Variants in GRK3 observed in about 807,000 individuals in gnomAD.
GRK3 encodes the protein adrenergic, beta, receptor kinase 2.
A neutral mutation model predicts 95.7 loss-of-function variants in GRK3; 54 were observed. The observed-to-expected ratio is 0.56, with a 90% CI of 0.45 to 0.71. GRK3 has a LOEUF of 0.71. Among genes scored for constraint, GRK3 ranks in the 30% least tolerant of loss-of-function variants. The pLI is 0.00. For missense variants in GRK3, 649 were observed against 851.2 expected, an observed-to-expected ratio of 0.76 and a Z score of 2.96; for synonymous variants, 281 against 290.8, an observed-to-expected ratio of 0.97 and a Z score of 0.34.
intron 13 of GRK3, among the ~76,000 whole-genome samples, chr22:25,699,401 C>G (rs2085238278): frequency 6.6e-6 from 1 of 152,124 alleles, no homozygotes; most frequent in Non-Finnish European, 1.5e-5. Flanking sequence ...TGTCCTCAAC[C>G]CTGGGGGACA....
At chr22:25,679,633 A>C (rs1402946187) in intron 9 of GRK3, among the ~76,000 whole-genome samples, 1 of 152,214 alleles carries the variant, frequency 6.6e-6, no homozygotes, top group Admixed American at 6.5e-5. Context: ...GTGTATGTGA[A>C]GACACATCCA....
chr22:25,703,667 T>A, intron 14 of GRK3, 91 bp downstream of exon 14: 4 of 937,096 alleles, frequency 4.3e-6, no homozygotes, highest in Non-Finnish European at 6.4e-6. Context: ...CATAAAATGT[T>A]ATAGGAAATA....
In GRK3 at chr22:25,594,169, T is replaced by C. The variant is rs140491380; in HGVS notation, c.114-10208T>C. Among the ~76,000 whole-genome samples the C allele has an allele frequency of 7.2e-3, 1,102 of 152,342 alleles. 18 individuals are homozygous for C. Among genetic ancestry groups the C allele is most frequent in the African/African-American group, 0.024 (990 of 41,578 alleles). On this transcript the variant is annotated intron_variant, in intron 1 of 20. Transcript: ENST00000324198. ...CATTGGTAGTTTGATAGCAATAGCA[T>C]TGAATCTGTAGATTGTTTTGGGCAG...
At chr22:25,598,516 A>T (rs929813077) in intron 1 of GRK3, among the ~76,000 whole-genome samples, 10 of 151,752 alleles carry the variant, frequency 6.6e-5, no homozygotes, top group African/African-American at 1.9e-4. Context: ...TACAAAAAAA[A>T]TTTTAAAAAT....
chr22:25,647,567 A>C lies in GRK3; in HGVS notation c.264+2902A>C, dbSNP rs1248189867. 5.1e-6 allele frequency: 8 copies of C among 1,562,372 alleles called. No homozygotes were observed. In the African/African-American group the frequency reaches 9.5e-5, roughly 19 times the overall value. The stretch of plus-strand genomic sequence containing the variant: ...ACTATATTTGTGGCCTTATATGATT[A>C]TGAAGCTAGAACTACAGAAGACCTT... On this transcript the variant is annotated intron_variant, in intron 3 of 20. Coordinates refer to ENST00000324198, the MANE Select transcript of GRK3 (RefSeq NM_005160.4).
intron 14 of GRK3, 71 bp downstream of exon 14, chr22:25,703,647 A>G (rs1219688330): frequency 8.7e-7 from 1 of 1,155,966 alleles, no homozygotes; most frequent in Non-Finnish European, 1.3e-6. Flanking sequence ...ATAATAAAAA[A>G]ATGCTATTAC....
At chr22:25,655,713 G>C (rs1292043808) in intron 3 of GRK3, among the ~76,000 whole-genome samples, 1 of 152,126 alleles carries the variant, frequency 6.6e-6, no homozygotes, top group Non-Finnish European at 1.5e-5. Context: ...AAACCCTGAA[G>C]TATCTACCTT....
rs28763892 is a variant in GRK3, at chr22:25,722,114, A to G, written c.1906-175A>G. Among the ~76,000 whole-genome samples the G allele has an allele frequency of 4.5e-3, 682 of 152,248 alleles. 3 individuals carry two copies. Among genetic ancestry groups the G allele is most frequent in the Middle Eastern group, 0.01 (3 of 294 alleles). On this transcript the variant is annotated intron_variant, in intron 20 of 20. Coordinates refer to ENST00000324198, the MANE Select transcript of GRK3 (RefSeq NM_005160.4). The stretch of plus-strand genomic sequence containing the variant: ...GTGGCCTTTCCCTGCTCTTTTCAAG[A>G]GATTCTGGAGAAGGTGGCAGCGTGA...
At chr22:25,695,907 C>T (rs1431947900) in intron 13 of GRK3, among the ~76,000 whole-genome samples, 1 of 150,554 alleles carries the variant, frequency 6.6e-6, no homozygotes, top group African/African-American at 2.5e-5. Flanking sequence ...CATCTCTGCT[C>T]ACTGCAAGCT....
chr22:25,666,584 G>A (rs1394445767), intron 5 of GRK3, among the ~76,000 whole-genome samples: 5 of 151,526 alleles, frequency 3.3e-5, no homozygotes, highest in South Asian at 2.1e-4. Context: ...CCCCACCACC[G>A]CCCCCTATCC....
At chr22:25,710,704 A>G (rs758704245) in intron 16 of GRK3, among the ~76,000 whole-genome samples, 3 of 152,076 alleles carry the variant, frequency 2.0e-5, no homozygotes, top group Admixed American at 6.5e-5. Flanking sequence ...TCCAGGCCCC[A>G]TTGTCTGTTG....
chr22:25,658,623 A>G (rs1197778746), intron 3 of GRK3, among the ~76,000 whole-genome samples: 2 of 152,102 alleles, frequency 1.3e-5, no homozygotes, highest in Non-Finnish European at 2.9e-5. Context: ...CTATGTGTCC[A>G]GAATTTTAGT....
intron 1 of GRK3, 119 bp downstream of exon 1, chr22:25,565,272 G>A: frequency 2.2e-6 from 1 of 447,016 alleles, no homozygotes; most frequent in Non-Finnish European, 3.9e-6. Context: ...GGGTGACACA[G>A]CGGAGCGGGC....
At chr22:25,692,033 G>A (rs140738423) in intron 12 of GRK3, among the ~76,000 whole-genome samples, 24 of 152,090 alleles carry the variant, frequency 1.6e-4, no homozygotes, top group African/African-American at 4.1e-4. Context: ...GTGTGATCAC[G>A]GCTCACTGCA....
chr22:25,661,693 T>C lies in GRK3; in HGVS notation c.366+16T>C. 1 of 1,487,740 alleles carries C rather than the reference T, an allele frequency of 6.7e-7. No homozygotes were observed. Among genetic ancestry groups the C allele is most frequent in the Non-Finnish European group, 9.3e-7 (1 of 1,069,926 alleles). The allele number at this position is 1,487,740 out of a possible 1,614,324, so 92.2% of individuals were successfully genotyped here. A position where few individuals can be genotyped will look rare whatever the true frequency, so the allele number is the denominator to read the frequency against. ...CTGTTCACATGTAAGTATTTCTTCT[T>C]ACTCTGTTACTTTAGTACTGATGAA... On this transcript the variant is annotated intron_variant, in intron 4 of 20. Transcript: ENST00000324198.
At chr22:25,648,025 AGAATCACTT>A in intron 3 of GRK3, 1 of 497,696 alleles carries the variant, frequency 2.0e-6, no homozygotes, top group Admixed American at 3.3e-5. Context: ...CTGAGGCAGC[AGAATCACTT>A]GAACCTGGGA....
chr22:25,570,234 G>A (rs1416883972), intron 1 of GRK3, among the ~76,000 whole-genome samples: 1 of 152,176 alleles, frequency 6.6e-6, no homozygotes, highest in Non-Finnish European at 1.5e-5. Flanking sequence ...GCTTGAAGGT[G>A]AAATGCCTAT....
intron 16 of GRK3, 48 bp downstream of exon 16, chr22:25,710,012 T>C (rs1164879440): frequency 7.5e-7 from 1 of 1,335,376 alleles, no homozygotes; most frequent in Non-Finnish European, 1.1e-6. Context: ...GCCCCGCCCT[T>C]ACCCGCTCAT....
chr22:25,701,034 A>G (rs925357984), intron 13 of GRK3, among the ~76,000 whole-genome samples: 5 of 152,232 alleles, frequency 3.3e-5, no homozygotes, highest in African/African-American at 1.2e-4. Flanking sequence ...ACAATTTTCC[A>G]ACTCATTTAG....
Sources: gnomAD v4.1 joint callset for allele counts (sites outside exome capture counted in the v4.1 genomes callset) on GRCh38, gnomAD v4.1.1 for gene constraint, MANE v1.5 for transcripts, NCBI Gene and HGNC (gene_info 2026-07-23, HGNC 2026-07-21) for gene names.